The following RASSF8 variants were observed in gnomAD, a reference collection of about 807,000 sequenced individuals.
The protein encoded by RASSF8 is Ras association domain family member 8, also known as ras association domain-containing protein 8.
A neutral mutation model predicts 48.5 loss-of-function variants in RASSF8; 22 were observed. That is an observed-to-expected ratio of 0.45 (90% CI 0.32 to 0.65). The LOEUF (loss-of-function observed/expected upper bound fraction) is 0.65, where lower values mean the gene tolerates loss of function less well. Ranked by LOEUF, RASSF8 falls within the 30% of genes least tolerant of loss-of-function variation. RASSF8 has a pLI of 0.03. For synonymous variants in RASSF8, 127 were observed against 171.5 expected, an observed-to-expected ratio of 0.74 and a Z score of 2.03; for missense variants, 418 against 489.2, an observed-to-expected ratio of 0.85 and a Z score of 1.37.
chr12:25,998,646 A>T (rs953245393), intron 2 of RASSF8, among the ~76,000 whole-genome samples: 1 of 152,120 alleles, frequency 6.6e-6, no homozygotes, highest in Non-Finnish European at 1.5e-5. Flanking sequence ...CGCGCCTGGC[A>T]AGAAAGCTTT....
chr12:25,972,971 C>G (rs1941517576), intron 1 of RASSF8, among the ~76,000 whole-genome samples: 1 of 152,092 alleles, frequency 6.6e-6, no homozygotes, highest in South Asian at 2.1e-4. Context: ...GTCTTGGTTT[C>G]TGGCACCCAA....
chr12:26,019,920 G>A (rs1363351151), intron 2 of RASSF8, among the ~76,000 whole-genome samples: 2 of 151,988 alleles, frequency 1.3e-5, no homozygotes, highest in African/African-American at 4.8e-5. Context: ...GTGTCTCTGA[G>A]GTACCTCAGA....
intron 2 of RASSF8, among the ~76,000 whole-genome samples, chr12:26,014,413 A>T (rs1942599017): frequency 6.6e-6 from 1 of 152,116 alleles, no homozygotes; most frequent in Non-Finnish European, 1.5e-5. Context: ...ACTTTCTCCC[A>T]ATATGTTTTG....
At chr12:26,019,716 T>A (rs73079010) in intron 2 of RASSF8, among the ~76,000 whole-genome samples, 19,183 of 152,138 alleles carry the variant, frequency 0.13, 1,598 homozygotes, top group Admixed American at 0.2. Flanking sequence ...ATGTTATTTT[T>A]AAAAATTATT....
intron 1 of RASSF8, among the ~76,000 whole-genome samples, chr12:25,964,705 TA>T (rs1035528684): frequency 7.2e-5 from 11 of 152,250 alleles, no homozygotes; most frequent in Non-Finnish European, 1.6e-4. Flanking sequence ...GTTTTACCCT[TA>T]TTTTTGCTTA....
chr12:26,014,134 C>T (rs1010963417), intron 2 of RASSF8, among the ~76,000 whole-genome samples: 1 of 152,178 alleles, frequency 6.6e-6, no homozygotes. Context: ...GCCTTGTGCC[C>T]GGTGACTTGC....
intron 2 of RASSF8, among the ~76,000 whole-genome samples, chr12:26,036,896 A>G (rs1003185892): frequency 6.6e-6 from 1 of 152,062 alleles, no homozygotes; most frequent in Non-Finnish European, 1.5e-5. Context: ...AGCCTGGGCG[A>G]CAGAGCAAGA....
chr12:26,035,407 A>C (rs923622020), intron 2 of RASSF8, among the ~76,000 whole-genome samples: 4 of 93,990 alleles, frequency 4.3e-5, no homozygotes, highest in Non-Finnish European at 7.2e-5. Flanking sequence ...GAAATTATAT[A>C]ATTATATAAG....
chr12:26,011,410 A>G (rs566416673), intron 2 of RASSF8, among the ~76,000 whole-genome samples: 3 of 152,260 alleles, frequency 2.0e-5, no homozygotes, highest in African/African-American at 7.2e-5. Context: ...GAGCAGTATT[A>G]TTTTTGAGAG....
intron 2 of RASSF8, among the ~76,000 whole-genome samples, chr12:26,018,110 G>C (rs1308405727): frequency 7.6e-6 from 1 of 131,790 alleles, no homozygotes; most frequent in Non-Finnish European, 1.8e-5. Context: ...GAGGATATCT[G>C]TATTCTTGAG....
chr12:26,007,206 G>A (rs990632084), intron 2 of RASSF8, among the ~76,000 whole-genome samples: 4 of 152,042 alleles, frequency 2.6e-5, no homozygotes, highest in African/African-American at 7.2e-5. Flanking sequence ...TGAAGAATCC[G>A]CCCCCATGAC....
chr12:25,985,202 T>C (rs768410316), intron 1 of RASSF8, among the ~76,000 whole-genome samples: 2 of 152,176 alleles, frequency 1.3e-5, no homozygotes, highest in Non-Finnish European at 2.9e-5. Context: ...AAATGTTCTG[T>C]AGTGTGATGG....
In RASSF8 at chr12:26,069,042, C is replaced by G; in HGVS notation, c.*224C>G. The stretch of plus-strand genomic sequence containing the variant: ...CAGTGTTGATATTTTTGTCCAGCAG[C>G]TATAATGCAAAGCCTTCGTTTTTAT... On this transcript the variant is annotated 3_prime_UTR_variant, in exon 6 of 6. Transcript: ENST00000689635. 1 of 1,214,850 alleles carries G rather than the reference C, an allele frequency of 8.2e-7. No homozygotes were observed. Among genetic ancestry groups the G allele is most frequent in the Non-Finnish European group, 1.0e-6 (1 of 972,132 alleles). The allele number at this position is 1,214,850 out of a possible 1,614,324, so 75.3% of individuals were successfully genotyped here.
intron 1 of RASSF8, among the ~76,000 whole-genome samples, chr12:25,977,814 A>C (rs1166761755): frequency 1.3e-5 from 2 of 152,230 alleles, no homozygotes; most frequent in Non-Finnish European, 2.9e-5. Context: ...AGTTTTTATC[A>C]TTAAGGACCA....
At chr12:25,992,954 T>C (rs1050717993) in intron 1 of RASSF8, among the ~76,000 whole-genome samples, 1 of 152,184 alleles carries the variant, frequency 6.6e-6, no homozygotes, top group Non-Finnish European at 1.5e-5. Flanking sequence ...ATTGGATCTT[T>C]TGGTTTGTTA....
intron 2 of RASSF8, among the ~76,000 whole-genome samples, chr12:26,023,680 CA>C (rs565072890): frequency 1.4e-5 from 2 of 147,798 alleles, no homozygotes; most frequent in African/African-American, 2.5e-5. Context: ...AAACAAAAAA[CA>C]AAAAAAAACA....
chr12:26,064,131 T>A (rs78045385), intron 3 of RASSF8, among the ~76,000 whole-genome samples: 3,225 of 152,330 alleles, frequency 0.021, 49 homozygotes, highest in East Asian at 0.054. Context: ...ATGTTTCACA[T>A]GGCGATTCTG....
chr12:25,969,657 G>A (rs947481443), intron 1 of RASSF8, among the ~76,000 whole-genome samples: 1 of 152,114 alleles, frequency 6.6e-6, no homozygotes, highest in East Asian at 1.9e-4. Context: ...GTGGCTGGAG[G>A]ATTGGATCTG....
intron 1 of RASSF8, among the ~76,000 whole-genome samples, chr12:25,974,110 G>A (rs10842647): frequency 0.37 from 55,753 of 151,596 alleles, 11,383 homozygotes; most frequent in Non-Finnish European, 0.46. Flanking sequence ...AGAAAGCAGC[G>A]GGGCTCAGCA....
Sources: allele counts gnomAD v4.1 joint callset (sites outside exome capture counted in the v4.1 genomes callset), GRCh38; gene constraint gnomAD v4.1.1; transcripts MANE v1.5; gene names NCBI Gene and HGNC (gene_info 2026-07-23, HGNC 2026-07-21).